Variants in SLIT3 observed in about 807,000 individuals in gnomAD.
SLIT3 encodes slit guidance ligand 3.
Under a neutral mutation model 184.0 loss-of-function variants are expected in SLIT3, and 68 were observed. That is an observed-to-expected ratio of 0.37 (90% CI 0.30 to 0.45). The LOEUF is 0.45. SLIT3 is among the 20% of genes least tolerant of loss of function. SLIT3 has a pLI of 1.00. For missense variants in SLIT3, 1,707 were observed against 2,026.0 expected, an observed-to-expected ratio of 0.84 and a Z score of 3.02; for synonymous variants, 831 against 828.6, an observed-to-expected ratio of 1.00 and a Z score of -0.05.
chr5:169,107,406 G>A (rs1760252479), intron 4 of SLIT3, among the ~76,000 whole-genome samples: 1 of 152,216 alleles, frequency 6.6e-6, no homozygotes, highest in African/African-American at 2.4e-5. Context: ...GGAGCTAAGA[G>A]CTGTATATCA....
At chr5:169,117,835 G>C (rs114177597) in intron 4 of SLIT3, among the ~76,000 whole-genome samples, 3,849 of 152,310 alleles carry the variant, frequency 0.025, 72 homozygotes, top group Middle Eastern at 0.051. Context: ...GAAGAAATTT[G>C]AAAACTCTAG....
chr5:169,127,168 T>G (rs1191327484), intron 4 of SLIT3, among the ~76,000 whole-genome samples: 1 of 152,184 alleles, frequency 6.6e-6, no homozygotes, highest in Non-Finnish European at 1.5e-5. Flanking sequence ...AGAAAATGTT[T>G]TATATGAGGC....
chr5:168,876,606 C>T (rs1759741549), intron 5 of SLIT3, among the ~76,000 whole-genome samples: 1 of 152,186 alleles, frequency 6.6e-6, no homozygotes, highest in African/African-American at 2.4e-5. Context: ...CCTAGATGAA[C>T]TCCTATGCAT....
chr5:169,252,848 C>A (rs1311790777), intron 1 of SLIT3, among the ~76,000 whole-genome samples: 3 of 152,102 alleles, frequency 2.0e-5, no homozygotes, highest in Non-Finnish European at 1.5e-5. Context: ...CAGATTCCAG[C>A]ACTTTATATA....
At chr5:168,835,643 T>C (rs972282593) in intron 6 of SLIT3, among the ~76,000 whole-genome samples, 1 of 151,888 alleles carries the variant, frequency 6.6e-6, no homozygotes, top group Non-Finnish European at 1.5e-5. Flanking sequence ...ACCCCGTCTC[T>C]ACTAAAAATA....
intron 9 of SLIT3, 81 bp from the exon 10 acceptor site, chr5:168,795,659 C>A: frequency 8.6e-7 from 1 of 1,156,098 alleles, no homozygotes; most frequent in South Asian, 1.2e-5. Flanking sequence ...GTTCTCTGGC[C>A]TTAAGGACAG....
chr5:168,763,585 C>T (rs1755233898), intron 14 of SLIT3, among the ~76,000 whole-genome samples: 1 of 152,086 alleles, frequency 6.6e-6, no homozygotes, highest in African/African-American at 2.4e-5. Context: ...CCCGAAGTTG[C>T]ACAGTAATGG....
At chr5:168,838,120 ATTG>A (rs1325503147) in intron 6 of SLIT3, among the ~76,000 whole-genome samples, 1 of 152,166 alleles carries the variant, frequency 6.6e-6, no homozygotes, top group Non-Finnish European at 1.5e-5. Context: ...AGTGCATATA[ATTG>A]TTTCTATGTA....
Position 168,798,208 on chromosome 5 carries a change from T to TTTCTTCTTC in SLIT3, c.936-2639_936-2631dup, listed in dbSNP as rs58233644. Among the ~76,000 whole-genome samples, 266 of 129,030 alleles carry TTTCTTCTTC rather than the reference T, an allele frequency of 2.1e-3. 9 individuals are homozygous for TTTCTTCTTC. Among genetic ancestry groups the TTTCTTCTTC allele is most frequent in the African/African-American group, 8.7e-3 (259 of 29,608 alleles). The allele number at this position is 129,030 out of a possible 152,430, so 84.6% of individuals were successfully genotyped here. On this transcript the variant is annotated intron_variant, in intron 9 of 35. Transcript: ENST00000519560. Reference sequence around the variant, plus strand: ...TGCTCACTCTGGCTTTTGGTTTTCTTTTCTTCTTCTTCTTCTTTTTTTTTT... The same window carrying TTTCTTCTTC: ...TGCTCACTCTGGCTTTTGGTTTTCTTTTCTTCTTCTTCTTCTTCTTCTTCTTTTTTTTTT...
At chr5:169,095,470 T>C (rs959778223) in intron 4 of SLIT3, among the ~76,000 whole-genome samples, 3 of 152,102 alleles carry the variant, frequency 2.0e-5, no homozygotes, top group African/African-American at 7.2e-5. Flanking sequence ...TCTGAAGAAA[T>C]TAAAACTAAG....
chr5:168,826,122 A>G (rs576943659), intron 6 of SLIT3, among the ~76,000 whole-genome samples: 2 of 152,384 alleles, frequency 1.3e-5, no homozygotes, highest in East Asian at 1.9e-4. Flanking sequence ...GGCCTCAACT[A>G]TAACTGCATC....
intron 4 of SLIT3, among the ~76,000 whole-genome samples, chr5:168,900,477 T>C (rs1241053441): frequency 1.3e-5 from 2 of 152,094 alleles, no homozygotes; most frequent in East Asian, 1.9e-4. Flanking sequence ...TAGCTGGGTA[T>C]AGTGGTATGT....
Position 169,287,492 on chromosome 5 carries a change from C to A in SLIT3, c.197+13021G>T, listed in dbSNP as rs1023899483. ...CAGGATGAGGCAGAAATGAAGGCAC[C>A]TTTTCATAAGGGCAGACCACACCAG... On this transcript the variant is annotated intron_variant, in intron 1 of 35. Transcript: ENST00000519560. Among the ~76,000 whole-genome samples the A allele has an allele frequency of 1.3e-4, 20 of 152,266 alleles. 1 individual carries two copies. Among genetic ancestry groups the A allele is most frequent in the African/African-American group, 4.1e-4 (17 of 41,546 alleles).
At chr5:169,115,245 C>T (rs1291953974) in intron 4 of SLIT3, among the ~76,000 whole-genome samples, 1 of 152,168 alleles carries the variant, frequency 6.6e-6, no homozygotes, top group African/African-American at 2.4e-5. Flanking sequence ...AAGTCAGAGC[C>T]AGAAGGAAGC....
At chr5:169,059,344 A>G (rs1485493077) in intron 4 of SLIT3, among the ~76,000 whole-genome samples, 3 of 152,166 alleles carry the variant, frequency 2.0e-5, no homozygotes, top group Non-Finnish European at 1.5e-5. Context: ...TAACAACAAA[A>G]GCCGCATTCT....
intron 3 of SLIT3, among the ~76,000 whole-genome samples, chr5:169,206,227 T>C (rs895387096): frequency 6.6e-6 from 1 of 152,208 alleles, no homozygotes; most frequent in African/African-American, 2.4e-5. Context: ...CAGCCTGTGG[T>C]TAATATCTAC....
intron 4 of SLIT3, among the ~76,000 whole-genome samples, chr5:169,105,688 G>A (rs1760176758): frequency 6.6e-6 from 1 of 152,200 alleles, no homozygotes; most frequent in African/African-American, 2.4e-5. Context: ...GCTCTCACTT[G>A]TAAGTGAGAA....
At chr5:169,246,853 A>G (rs1041374425) in intron 2 of SLIT3, among the ~76,000 whole-genome samples, 1 of 138,214 alleles carries the variant, frequency 7.2e-6, no homozygotes, top group African/African-American at 2.7e-5. Context: ...CAGGAGGCAG[A>G]GGTTGCAGTG....
At chr5:168,683,136 T>C (rs1761638975) in intron 32 of SLIT3, among the ~76,000 whole-genome samples, 1 of 151,546 alleles carries the variant, frequency 6.6e-6, no homozygotes. Context: ...GAGGCTGAGG[T>C]GGGTGGAACA....
Sources: allele counts gnomAD v4.1 joint callset (sites outside exome capture counted in the v4.1 genomes callset), GRCh38; gene constraint gnomAD v4.1.1; transcripts MANE v1.5; gene names NCBI Gene and HGNC (gene_info 2026-07-23, HGNC 2026-07-21).